The following CRACDL variants were observed in gnomAD, a reference collection of about 807,000 sequenced individuals.
CRACDL encodes CRACD like, also known as CRACD-like protein.
In CRACDL, 26 loss-of-function variants were observed where a neutral mutation model predicts 70.6. The observed-to-expected ratio is 0.37, with a 90% CI of 0.27 to 0.51. The LOEUF (loss-of-function observed/expected upper bound fraction) is 0.51, where lower values mean the gene tolerates loss of function less well. Among genes scored for constraint, CRACDL ranks in the 20% least tolerant of loss-of-function variants. CRACDL has a pLI of 0.94. For synonymous variants in CRACDL, 618 were observed against 615.2 expected (o/e 1.00, Z -0.07); for missense variants, 1,283 against 1,376.9 (o/e 0.93, Z 1.08).
chr2:98,816,333 CCTTTTTATGTCA>C (rs1704782203), intron 7 of CRACDL, among the ~76,000 whole-genome samples: 1 of 152,056 alleles, frequency 6.6e-6, no homozygotes, highest in Non-Finnish European at 1.5e-5. Context: ...ACAGCAAGTC[CCTTTTTATGTCA>C]CTTTTAAAGT....
chr2:98,905,265 A>AAAAG (rs1553401966), intron 1 of CRACDL, among the ~76,000 whole-genome samples: 9 of 143,296 alleles, frequency 6.3e-5, no homozygotes, highest in Admixed American at 2.1e-4. Context: ...AAAAAAAAAA[A>AAAAG]AGAGAGGCTG....
chr2:98,899,284 C>T (rs531945674), intron 1 of CRACDL, among the ~76,000 whole-genome samples: 4 of 152,342 alleles, frequency 2.6e-5, no homozygotes, highest in East Asian at 3.9e-4. Flanking sequence ...TAACCTCAGA[C>T]GTTAAGCCTT....
chr2:98,820,300 C>T (rs531520617), intron 7 of CRACDL, among the ~76,000 whole-genome samples: 51 of 151,724 alleles, frequency 3.4e-4, no homozygotes, highest in African/African-American at 1.2e-3. Flanking sequence ...GAGGCTGAGG[C>T]GGGCAGATCA....
intron 1 of CRACDL, among the ~76,000 whole-genome samples, chr2:98,901,903 C>T (rs905510605): frequency 2.0e-5 from 3 of 152,134 alleles, no homozygotes; most frequent in African/African-American, 7.2e-5. Context: ...TCCCCAAGAA[C>T]TCGCGAGCCG....
At chr2:98,818,461 G>A (rs1010651678) in intron 7 of CRACDL, among the ~76,000 whole-genome samples, 7 of 152,196 alleles carry the variant, frequency 4.6e-5, no homozygotes, top group East Asian at 1.9e-4. Flanking sequence ...GCCCAAAGCC[G>A]AGTCATCTGG....
At chr2:98,887,623 A>G (rs561714376) in intron 1 of CRACDL, among the ~76,000 whole-genome samples, 1 of 152,376 alleles carries the variant, frequency 6.6e-6, no homozygotes, top group Admixed American at 6.5e-5. Flanking sequence ...GAACACTTCC[A>G]AAATTTGAGG....
At position 98,832,814 on chromosome 2, in the gene CRACDL, T is replaced by C. The variant is rs772448317; in HGVS notation, c.375+48A>G. ...CAGAAATCATTTAAAAACTTCTTGA[T>C]GGATATTTGACTTGCACACCAGGCG... On this transcript the variant is annotated intron_variant, in intron 4 of 9. Coordinates refer to ENST00000397899, the MANE Select transcript of CRACDL (RefSeq NM_207362.3). The C allele has an allele frequency of 3.7e-6, 6 of 1,608,106 alleles. No individual in the cohort carries two copies. In the South Asian group the frequency reaches 6.6e-5, roughly 18 times the overall value.
At chr2:98,795,077 A>ATATATTTTTTTT in intron 9 of CRACDL, among the ~76,000 whole-genome samples, 94 of 58,446 alleles carry the variant, frequency 1.6e-3, no homozygotes, top group Non-Finnish European at 2.0e-3. Flanking sequence ...ATATATATAT[A>ATATATTTTTTTT]TTTTTTTTTT....
At chr2:98,890,236 A>G (rs1254077374) in intron 1 of CRACDL, among the ~76,000 whole-genome samples, 3 of 152,200 alleles carry the variant, frequency 2.0e-5, no homozygotes, top group African/African-American at 7.2e-5. Context: ...GAAAAGACCA[A>G]TGAAATCAAC....
chr2:98,795,077 A>ATATATATATATATTTTTTTTTT, intron 9 of CRACDL, among the ~76,000 whole-genome samples: 16 of 58,466 alleles, frequency 2.7e-4, no homozygotes, highest in Non-Finnish European at 4.4e-4. Flanking sequence ...ATATATATAT[A>ATATATATATATATTTTTTTTTT]TTTTTTTTTT....
In CRACDL at chr2:98,827,074, A is replaced by G. The variant is rs1705334324; in HGVS notation, c.636T>C (p.Pro212=). The change falls in exon 6 of 10, where the codon CCT becomes CCC. Residue 212 remains proline (P), a synonymous_variant. Transcript: ENST00000397899. ...SLAPVADFSY[P]AESSSCLDNS... is the part of the protein sequence containing the mutation. ...TGTCCAGGCAGGAGGAGGATTCTGC[A>G]GGATAACTGAAGTCAGCCACTGGTG... 1 of 1,614,106 alleles carries G rather than the reference A, an allele frequency of 6.2e-7. No homozygotes were observed. The highest frequency in any genetic ancestry group is 1.6e-4 in the Middle Eastern group (1 of 6,062).
rs142985689 is a variant in CRACDL at position 98,880,229 on chromosome 2, G to A, written c.-10-33419C>T. On this transcript the variant is annotated intron_variant, in intron 1 of 9. Transcript: ENST00000397899. Reference sequence around the variant, plus strand: ...TGCGTTCCTTAGTTGACTGATGCACGGAAGAGTGACCAGAGGAGGACGGGC... The same window carrying A: ...TGCGTTCCTTAGTTGACTGATGCACAGAAGAGTGACCAGAGGAGGACGGGC... Among the ~76,000 whole-genome samples, 71 of 152,308 alleles carry A rather than the reference G, an allele frequency of 4.7e-4. 1 individual carries two copies. The highest frequency in any genetic ancestry group is 1.6e-3 in the African/African-American group (67 of 41,556).
At chr2:98,930,033 A>G (rs553243824) in intron 1 of CRACDL, among the ~76,000 whole-genome samples, 1 of 152,212 alleles carries the variant, frequency 6.6e-6, no homozygotes, top group East Asian at 1.9e-4. Context: ...TCGCTTCCCC[A>G]CTGGTGACCC....
intron 5 of CRACDL, among the ~76,000 whole-genome samples, chr2:98,830,028 C>T (rs747363989): frequency 6.6e-6 from 1 of 152,212 alleles, no homozygotes. Flanking sequence ...GTTCATTTGC[C>T]ACCAGATCTG....
intron 1 of CRACDL, among the ~76,000 whole-genome samples, chr2:98,892,359 T>G (rs534882728): frequency 6.6e-6 from 1 of 151,922 alleles, no homozygotes; most frequent in South Asian, 2.1e-4. Flanking sequence ...TTTATGGACA[T>G]AGAAGTATCT....
intron 6 of CRACDL, among the ~76,000 whole-genome samples, chr2:98,826,689 C>T (rs1035094002): frequency 6.6e-6 from 1 of 152,152 alleles, no homozygotes; most frequent in African/African-American, 2.4e-5. Context: ...GTGGACTTTC[C>T]TCTGAGTGCA....
intron 1 of CRACDL, among the ~76,000 whole-genome samples, chr2:98,920,371 A>C (rs1573201691): frequency 1.3e-5 from 2 of 152,138 alleles, no homozygotes; most frequent in South Asian, 4.1e-4. Flanking sequence ...TACACTGTGC[A>C]TACTTCGCAT....
chr2:98,822,537 C>A lies in CRACDL; in HGVS notation c.1736G>T (p.Cys579Phe). 6.8e-7 allele frequency: 1 copy of A among 1,465,568 alleles called. No homozygotes were observed. The highest frequency in any genetic ancestry group is 1.3e-5 in the South Asian group (1 of 77,026). 90.8% of individuals were successfully genotyped at this position (1,465,568 alleles called of 1,614,324 possible). A position where few individuals can be genotyped will look rare whatever the true frequency, so the allele number is the denominator to read the frequency against. Residue 579 changes from cysteine to phenylalanine, a missense_variant, in exon 7 of 10, where the codon TGC (cysteine) becomes TTC (phenylalanine). Cys to Phe is a radical substitution (Grantham distance 205). Around this residue, in one of 2 missense-constraint regions of CRACDL, gnomAD observed 921 missense variants for 881.9 expected, o/e 1.04. Coordinates refer to ENST00000397899, the MANE Select transcript of CRACDL (RefSeq NM_207362.3). This position sits in a 1 kb window ranked among gnomAD's most constrained non-coding sequence, Gnocchi z 4.9. ...RGAKKFSVSS[C>F]RARPRPGVSR... ...GACGCCCGGACGAGGCCGCGCTCGGCACGAGGACACCGAGAACTTCTTCGC... is the reference window on the plus strand; with the variant it reads ...GACGCCCGGACGAGGCCGCGCTCGGAACGAGGACACCGAGAACTTCTTCGC...
In CRACDL at chr2:98,796,163, C is replaced by A; in HGVS notation, c.2706G>T (p.Lys902Asn). The A allele has an allele frequency of 6.2e-7, 1 of 1,614,194 alleles. No individual in the cohort carries two copies. Among genetic ancestry groups the A allele is most frequent in the Non-Finnish European group, 8.5e-7 (1 of 1,179,998 alleles). ...DRKQGAKLNF[K>N]EGLQRGISLS... ...ATGAGATTCCTCTTTGCAGCCCCTC[C>A]TTGAAGTTGAGCTTTGCCCCCTGCT... is the stretch of plus-strand genomic sequence containing the variant. The change falls in exon 9 of 10, where the codon AAG becomes AAT. Residue 902 changes from lysine (K) to asparagine (N), a missense_variant. By Grantham distance (94) the Lys-to-Asn change is moderately conservative. Transcript: ENST00000397899.
Sources: allele counts gnomAD v4.1 joint callset (sites outside exome capture counted in the v4.1 genomes callset), GRCh38; gene constraint gnomAD v4.1.1; regional missense constraint gnomAD v4.1.1; non-coding constraint Gnocchi (gnomAD v3.1); transcripts MANE v1.5; gene names NCBI Gene and HGNC (gene_info 2026-07-23, HGNC 2026-07-21).